The following DGAT2L6 variants were observed in gnomAD, a reference collection of about 807,000 sequenced individuals.
The protein encoded by DGAT2L6 is diacylglycerol O-acyltransferase 2-like protein 6.
In DGAT2L6, 22 loss-of-function variants were observed where a neutral mutation model predicts 25.5. The ratio of observed to expected loss-of-function variants is 0.86; its 90% CI spans 0.62 to 1.23. DGAT2L6 has a LOEUF of 1.23. DGAT2L6 is among the 50% of genes most tolerant of loss of function. The pLI, the probability that DGAT2L6 is intolerant of heterozygous loss-of-function variation, is 0.00. For synonymous variants in DGAT2L6, 100 were observed against 94.7 expected (o/e 1.06, Z -0.32); for missense variants, 287 against 253.2 (o/e 1.13, Z -0.91).
rs2085401955 is a variant in DGAT2L6 at position 70,199,368 on chromosome X, C to A, written c.183C>A (p.Asn61Lys). 8.5e-7 allele frequency: 1 copy of A among 1,180,296 alleles called. No homozygotes were observed. Among genetic ancestry groups the A allele is most frequent in the Non-Finnish European group, 1.1e-6 (1 of 875,963 alleles). ...LSLAWLTYDW[N>K]THSQGGRRSA... ...TAGCCTGGCTCACCTATGATTGGAA[C>A]ACCCACAGTCAAGGTAAGAGACAGG... The change falls in exon 2 of 7, where the codon AAC (asparagine) becomes AAA (lysine). Residue 61 changes from asparagine to lysine, a missense_variant. By Grantham distance (94) the Asn-to-Lys change is moderately conservative. Transcript: ENST00000333026.
chrX:70,180,439 C>T (rs751554292), intron 1 of DGAT2L6, among the ~76,000 whole-genome samples: 1 of 110,132 alleles, frequency 9.1e-6, no homozygotes, highest in East Asian at 2.8e-4. Flanking sequence ...CAGAGCAAGA[C>T]TCTGTCTCAA....
intron 1 of DGAT2L6, among the ~76,000 whole-genome samples, chrX:70,196,486 C>CAAAAAAAAAAAAAAAAAAAAAAAA (rs751597708): frequency 7.7e-5 from 2 of 26,081 alleles, no homozygotes; most frequent in Non-Finnish European, 1.4e-4. Context: ...GATCCTGTCT[C>CAAAAAAAAAAAAAAAAAAAAAAAA]AAAAAAAAAA....
In DGAT2L6 at chrX:70,177,667, G is replaced by T; in HGVS notation, c.85G>T (p.Gly29Ter). The T allele has an allele frequency of 8.3e-7, 1 of 1,205,024 alleles. No homozygotes were observed. The highest frequency in any genetic ancestry group is 1.1e-6 in the Non-Finnish European group (1 of 890,390). Residue 29 changes from glycine to a stop codon, truncating the protein, a stop_gained and splice_region_variant, in exon 1 of 7, where the codon GGA becomes TGA. Coordinates refer to ENST00000333026, the MANE Select transcript of DGAT2L6 (RefSeq NM_198512.3). LOFTEE classifies it high-confidence loss of function. ...LQWIPVYIFLGAIPILLIPYF... is the reference protein window; with the variant it reads ...LQWIPVYIFL ...ATGGATCCCAGTCTATATATTTTTA[G>T]GTGAGTGAACCCCAAGGGCTGGAGA...
chrX:70,198,062 T>G (rs1384967191), intron 1 of DGAT2L6, among the ~76,000 whole-genome samples: 1 of 112,679 alleles, frequency 8.9e-6, no homozygotes, highest in African/African-American at 3.2e-5. Context: ...AAAGAACTGG[T>G]AGGTAACTCC....
At chrX:70,197,004 C>G (rs921000027) in intron 1 of DGAT2L6, among the ~76,000 whole-genome samples, 2 of 110,258 alleles carry the variant, frequency 1.8e-5, no homozygotes, top group African/African-American at 6.6e-5. Context: ...TTCTTTTCCC[C>G]CAGTGCACAT....
intron 5 of DGAT2L6, among the ~76,000 whole-genome samples, chrX:70,202,578 C>G (rs896331568): frequency 8.9e-6 from 1 of 112,163 alleles, no homozygotes; most frequent in Non-Finnish European, 1.9e-5. Context: ...CTTGCAAACT[C>G]ACAGTCCAAT....
In DGAT2L6 at chrX:70,192,665, T is replaced by C; in HGVS notation, c.86-6606T>C. Among the ~76,000 whole-genome samples the C allele has an allele frequency of 3.6e-5, 4 of 110,848 alleles. No individual in the cohort carries two copies. In the Middle Eastern group the frequency reaches 0.014, roughly 394 times the overall value. On this transcript the variant is annotated intron_variant, in intron 1 of 6. Transcript: ENST00000333026. ...AGCAAAAACAGTTCTAAGGGGAAAGTTTATCATGATAAATACCTACATAAA... is the reference window on the plus strand; with the variant it reads ...AGCAAAAACAGTTCTAAGGGGAAAGCTTATCATGATAAATACCTACATAAA...
intron 1 of DGAT2L6, among the ~76,000 whole-genome samples, chrX:70,190,790 C>T (rs766269974): frequency 8.9e-6 from 1 of 112,279 alleles, no homozygotes; most frequent in East Asian, 2.8e-4. Context: ...CACAGCAGAT[C>T]CTGAAACAGC....
At chrX:70,202,409 C>A (rs2085413844) in intron 5 of DGAT2L6, among the ~76,000 whole-genome samples, 1 of 112,114 alleles carries the variant, frequency 8.9e-6, no homozygotes, top group Non-Finnish European at 1.9e-5. Context: ...GAGGCACTAG[C>A]TTTGATACCG....
chrX:70,188,260 T>G (rs2085365384), intron 1 of DGAT2L6, among the ~76,000 whole-genome samples: 1 of 111,547 alleles, frequency 9.0e-6, no homozygotes, highest in South Asian at 3.8e-4. Context: ...AGTGACATTA[T>G]GTAATGATAA....
chrX:70,192,931 G>A (rs952682206), intron 1 of DGAT2L6, among the ~76,000 whole-genome samples: 6 of 111,414 alleles, frequency 5.4e-5, no homozygotes, highest in Admixed American at 3.8e-4. Context: ...CCAACAAATT[G>A]GATAACCTAG....
intron 1 of DGAT2L6, among the ~76,000 whole-genome samples, chrX:70,190,302 A>G (rs1167236855): frequency 8.9e-6 from 1 of 112,080 alleles, no homozygotes; most frequent in African/African-American, 3.2e-5. Flanking sequence ...CATCAACAAG[A>G]TGGTGAATGG....
At chrX:70,183,309 CCTT>C (rs1346196264) in intron 1 of DGAT2L6, among the ~76,000 whole-genome samples, 1 of 112,325 alleles carries the variant, frequency 8.9e-6, no homozygotes, top group African/African-American at 3.2e-5. Context: ...CTCTCCCACT[CCTT>C]CACCTCTGCT....
chrX:70,179,671 G>A (rs920397778), intron 1 of DGAT2L6, among the ~76,000 whole-genome samples: 2 of 103,345 alleles, frequency 1.9e-5, no homozygotes, highest in Non-Finnish European at 3.9e-5. Flanking sequence ...GAGTTCAAGC[G>A]ATTCTCCTGC....
chrX:70,183,352 A>G (rs2085349781), intron 1 of DGAT2L6, among the ~76,000 whole-genome samples: 2 of 112,415 alleles, frequency 1.8e-5, no homozygotes, highest in African/African-American at 6.5e-5. Flanking sequence ...CTGCCAGTGG[A>G]AAGATGGCAT....
At chrX:70,185,854 G>GTT (rs57366005) in intron 1 of DGAT2L6, among the ~76,000 whole-genome samples, 35 of 94,807 alleles carry the variant, frequency 3.7e-4, no homozygotes, top group South Asian at 9.5e-4. Context: ...AACTACTTTT[G>GTT]TTTTTTTTTT....
intron 3 of DGAT2L6, 143 bp from the exon 4 acceptor site, chrX:70,200,111 CA>C: frequency 1.5e-6 from 1 of 664,729 alleles, no homozygotes; most frequent in Non-Finnish European, 2.3e-6. Flanking sequence ...TGAGCCCTGG[CA>C]ATCCTATGAC....
chrX:70,194,351 A>G (rs2085384430), intron 1 of DGAT2L6, among the ~76,000 whole-genome samples: 1 of 111,866 alleles, frequency 8.9e-6, no homozygotes, highest in Admixed American at 9.5e-5. Flanking sequence ...TACAATCCCT[A>G]TGAAAATTCC....
chrX:70,205,306 C>T lies in DGAT2L6; in HGVS notation c.*200C>T, dbSNP rs370982308. ...GCTGAGGCAGGCTTAGGGGAAAGAA[C>T]CAGAGGGGCAGGGGAGGACTGGGGA... On this transcript the variant is annotated 3_prime_UTR_variant, in exon 7 of 7. Transcript: ENST00000333026. 60 of 433,873 alleles carry T rather than the reference C, an allele frequency of 1.4e-4. No individual in the cohort carries two copies. Among genetic ancestry groups the T allele is most frequent in the Non-Finnish European group, 1.9e-4 (54 of 290,892 alleles). The allele number at this position is 433,873 out of a possible 1,213,427, so 35.8% of individuals were successfully genotyped here. A position where few individuals can be genotyped will look rare whatever the true frequency, so the allele number is the denominator to read the frequency against.
Sources: gnomAD v4.1 joint callset for allele counts (sites outside exome capture counted in the v4.1 genomes callset) on GRCh38, gnomAD v4.1.1 for gene constraint, MANE v1.5 for transcripts, NCBI Gene and HGNC (gene_info 2026-07-23, HGNC 2026-07-21) for gene names.